Variants in LYPLAL1 observed in about 807,000 individuals in gnomAD.
LYPLAL1 encodes lysophospholipase like 1.
A neutral mutation model predicts 19.7 loss-of-function variants in LYPLAL1; 23 were observed. The ratio of observed to expected loss-of-function variants is 1.17; its 90% CI spans 0.84 to 1.65. The LOEUF is 1.65. LYPLAL1 is among the 40% of genes most tolerant of loss of function. The pLI is 0.00. For missense variants in LYPLAL1, 355 were observed against 279.4 expected (o/e 1.27, Z -1.93); for synonymous variants, 119 against 96.3 (o/e 1.24, Z -1.38).
the LYPLAL1 span, among the ~76,000 whole-genome samples, chr1:219,387,901 GA>G: frequency 6.6e-6 from 1 of 152,156 alleles, no homozygotes; most frequent in East Asian, 1.9e-4. Context: ...GTTGAAAAAT[GA>G]CCTAGATTCG....
At chr1:219,298,559 T>C in the LYPLAL1 span, among the ~76,000 whole-genome samples, 6 of 152,164 alleles carry the variant, frequency 3.9e-5, no homozygotes, top group African/African-American at 7.2e-5. Flanking sequence ...GTTCTGTCTT[T>C]TTCCCACCAC....
At chr1:219,186,588 C>G (rs1263485477) in intron 2 of LYPLAL1, among the ~76,000 whole-genome samples, 1 of 151,674 alleles carries the variant, frequency 6.6e-6, no homozygotes, top group Non-Finnish European at 1.5e-5. Context: ...TGGTAATACT[C>G]TGAAGTGTAC....
intron 2 of LYPLAL1, among the ~76,000 whole-genome samples, chr1:219,179,901 AT>A (rs966695751): frequency 1.3e-5 from 2 of 151,468 alleles, no homozygotes; most frequent in South Asian, 2.1e-4. Flanking sequence ...AGGGATTGGG[AT>A]TTTTTTTTGG....
At chr1:219,351,240 C>T in the LYPLAL1 span, among the ~76,000 whole-genome samples, 10 of 152,158 alleles carry the variant, frequency 6.6e-5, no homozygotes, top group African/African-American at 2.4e-4. Flanking sequence ...CACATATACA[C>T]TTTCTCTCAG....
chr1:219,418,039 A>T, the LYPLAL1 span, among the ~76,000 whole-genome samples: 1 of 152,254 alleles, frequency 6.6e-6, no homozygotes, highest in African/African-American at 2.4e-5. Flanking sequence ...TGACAAAACA[A>T]GTAGGACCTG....
chr1:219,421,966 C>A, the LYPLAL1 span, among the ~76,000 whole-genome samples: 1 of 152,144 alleles, frequency 6.6e-6, no homozygotes, highest in African/African-American at 2.4e-5. Context: ...TTTGATTGTG[C>A]CCTTTCAGGA....
At chr1:219,205,640 A>T (rs1658517151) in intron 3 of LYPLAL1, among the ~76,000 whole-genome samples, 1 of 152,154 alleles carries the variant, frequency 6.6e-6, no homozygotes, top group East Asian at 1.9e-4. Flanking sequence ...ATTTTGCAAT[A>T]AGATTAAAAA....
chr1:219,435,107 A>T, the LYPLAL1 span: 1 of 152,252 alleles, frequency 6.6e-6, no homozygotes, highest in African/African-American at 2.4e-5. Context: ...TGTCATGGTG[A>T]TCACAATCAA....
chr1:219,305,142 G>A, the LYPLAL1 span, among the ~76,000 whole-genome samples: 1 of 152,032 alleles, frequency 6.6e-6, no homozygotes, highest in African/African-American at 2.4e-5. Context: ...CAAGAAATTA[G>A]GAATGGGAAG....
chr1:219,297,316 T>A, the LYPLAL1 span, among the ~76,000 whole-genome samples: 1 of 152,250 alleles, frequency 6.6e-6, no homozygotes, highest in Non-Finnish European at 1.5e-5. Flanking sequence ...CTTTTAAATA[T>A]TTCAATAAGA....
At chr1:219,265,824 T>G in the LYPLAL1 span, among the ~76,000 whole-genome samples, 1 of 152,112 alleles carries the variant, frequency 6.6e-6, no homozygotes, top group African/African-American at 2.4e-5. Context: ...TAGGCACTTT[T>G]AGTAAAATGG....
At chr1:219,397,782 A>G in the LYPLAL1 span, among the ~76,000 whole-genome samples, 2 of 152,176 alleles carry the variant, frequency 1.3e-5, no homozygotes, top group Admixed American at 1.3e-4. Context: ...TGCTTGTTTG[A>G]AAAGGATTTT....
At chr1:219,293,863 G>T in the LYPLAL1 span, among the ~76,000 whole-genome samples, 1 of 152,164 alleles carries the variant, frequency 6.6e-6, no homozygotes, top group South Asian at 2.1e-4. Context: ...GAGAAAGGAT[G>T]CCCTTGGAAA....
At chr1:219,414,766 A>G in the LYPLAL1 span, among the ~76,000 whole-genome samples, 1 of 152,204 alleles carries the variant, frequency 6.6e-6, no homozygotes, top group South Asian at 2.1e-4. Context: ...AAAAGTCACT[A>G]CAGTCCTTTC....
chr1:219,360,709 G>T, the LYPLAL1 span, among the ~76,000 whole-genome samples: 4 of 152,090 alleles, frequency 2.6e-5, no homozygotes, highest in South Asian at 8.3e-4. Context: ...GACACTTGCT[G>T]CTCAGTTCAT....
chr1:219,364,971 T>G, the LYPLAL1 span, among the ~76,000 whole-genome samples: 5 of 152,282 alleles, frequency 3.3e-5, no homozygotes, highest in African/African-American at 1.2e-4. Context: ...AAACGACCTA[T>G]TTGGATTCTT....
At chr1:219,248,733 T>C in the LYPLAL1 span, among the ~76,000 whole-genome samples, 1 of 152,104 alleles carries the variant, frequency 6.6e-6, no homozygotes, top group African/African-American at 2.4e-5. Context: ...ATAGTAAAAA[T>C]AAATAGCTTA....
the LYPLAL1 span, among the ~76,000 whole-genome samples, chr1:219,384,260 C>A: frequency 6.6e-6 from 1 of 152,204 alleles, no homozygotes; most frequent in South Asian, 2.1e-4. Context: ...AATGGCAAAG[C>A]TTCTAATGGG....
chr1:219,383,082 AAAC>A, the LYPLAL1 span, among the ~76,000 whole-genome samples: 3 of 152,228 alleles, frequency 2.0e-5, no homozygotes, highest in Non-Finnish European at 4.4e-5. Context: ...ACCAACAACA[AAAC>A]AACAATAGCT....
Sources: gnomAD v4.1 joint callset for allele counts (sites outside exome capture counted in the v4.1 genomes callset) on GRCh38, gnomAD v4.1.1 for gene constraint, MANE v1.5 for transcripts, NCBI Gene and HGNC (gene_info 2026-07-23, HGNC 2026-07-21) for gene names.